LIM2: variants seen among roughly 807,000 people sequenced by gnomAD.
The protein encoded by LIM2 is lens fiber membrane intrinsic protein.
A neutral mutation model predicts 19.0 loss-of-function variants in LIM2; 14 were observed. The observed-to-expected ratio is 0.74, with a 90% CI of 0.49 to 1.15. The LOEUF (loss-of-function observed/expected upper bound fraction) is 1.15. Among genes scored for constraint, LIM2 ranks in the 50% most tolerant of loss-of-function variants. LIM2 has a pLI of 0.00. For missense variants in LIM2, 230 were observed against 243.5 expected (o/e 0.94, Z 0.37); for synonymous variants, 78 against 89.6 (o/e 0.87, Z 0.73).
Position 51,387,125 on chromosome 19 carries a change from C to G in LIM2, c.175+144G>C, listed in dbSNP as rs1417344210. Reference sequence around the variant, plus strand: ...ACAACCCTGTAGTCCCAGTTCTGCCCCCTCCATGCTGAGTGACCTTGGGTT... The same window carrying G: ...ACAACCCTGTAGTCCCAGTTCTGCCGCCTCCATGCTGAGTGACCTTGGGTT... On this transcript the variant is annotated intron_variant, in intron 2 of 4. Transcript: ENST00000596399. 5 of 1,482,610 alleles carry G rather than the reference C, an allele frequency of 3.4e-6. No individual in the cohort carries two copies. The African/African-American group carries it at 4.1e-5, about 12-fold the overall frequency. 91.8% of individuals were successfully genotyped at this position (1,482,610 alleles called of 1,614,324 possible).
rs1379954714 is a variant in LIM2, at chr19:51,387,362, A to G, written c.82T>C (p.Trp28Arg). 4 of 1,614,212 alleles carry G rather than the reference A, an allele frequency of 2.5e-6. No homozygotes were observed. The highest frequency in any genetic ancestry group is 1.1e-5 in the South Asian group (1 of 91,086). The part of the protein sequence containing the change: ...LLVVAMATDH[W>R]MQYRLSGSFA... ...GACCCTGACAGCCGGTACTGCATCC[A>G]GTGGTCTGTTGCCATGGCCACCACC... Residue 28 changes from tryptophan to arginine, a missense_variant, in exon 2 of 5, where the codon TGG (tryptophan) becomes CGG (arginine). Coordinates refer to ENST00000596399, the MANE Select transcript of LIM2 (RefSeq NM_001161748.2).
intron 3 of LIM2, among the ~76,000 whole-genome samples, chr19:51,381,145 T>C (rs933196612): frequency 1.3e-5 from 2 of 151,936 alleles, no homozygotes; most frequent in Non-Finnish European, 2.9e-5. Flanking sequence ...ACCCCGTCTC[T>C]ACTAAAAATA....
chr19:51,380,077 C>A lies in LIM2; in HGVS notation c.*124G>T. The A allele has an allele frequency of 2.2e-6, 2 of 911,380 alleles. No individual in the cohort carries two copies. The highest frequency in any genetic ancestry group is 3.5e-6 in the Non-Finnish European group (2 of 566,708). 56.5% of individuals were successfully genotyped at this position (911,380 alleles called of 1,614,324 possible). On this transcript the variant is annotated 3_prime_UTR_variant, in exon 5 of 5. Transcript: ENST00000596399. ...CAGGAGTCAGCCTCCCCCCACAAAC[C>A]CACAGTCCAGAACTGAGCCCCCTCA...
At chr19:51,384,330 C>A (rs1986974386) in intron 2 of LIM2, among the ~76,000 whole-genome samples, 1 of 152,170 alleles carries the variant, frequency 6.6e-6, no homozygotes, top group Admixed American at 6.5e-5. Context: ...ACTCAGGAGG[C>A]TGAGGCAGGA....
chr19:51,382,020 A>G (rs4802792), intron 3 of LIM2, among the ~76,000 whole-genome samples: 152,144 of 152,340 alleles, frequency 1, 75,975 homozygotes, highest in Middle Eastern at 1. Context: ...GAGCCATCGC[A>G]CCCGGCCTCC....
At position 51,380,168 on chromosome 19, in the gene LIM2, A is replaced by G. The variant is rs1986854375; in HGVS notation, c.*33T>C. On this transcript the variant is annotated 3_prime_UTR_variant, in exon 5 of 5. Transcript: ENST00000596399. The stretch of plus-strand genomic sequence containing the variant: ...CCTCCTCTTCAGTGGCCTCACTTTA[A>G]CTTCCAGATGAAGTTGGGGGACACA... 1 of 1,608,612 alleles carries G rather than the reference A, an allele frequency of 6.2e-7. No homozygotes were observed. Among genetic ancestry groups the G allele is most frequent in the African/African-American group, 1.3e-5 (1 of 74,772 alleles).
chr19:51,387,076 A>T (rs1987077537), intron 2 of LIM2, 193 bp downstream of exon 2: 2 of 1,009,980 alleles, frequency 2.0e-6, no homozygotes, highest in African/African-American at 1.6e-5. Context: ...TCAAACCAGC[A>T]CCCCGTGAAA....
Position 51,387,457 on chromosome 19 carries a change from G to A in LIM2, c.-6-8C>T, listed in dbSNP as rs1599864987. 3 of 1,613,288 alleles carry A rather than the reference G, an allele frequency of 1.9e-6. No individual in the cohort carries two copies. Among genetic ancestry groups the A allele is most frequent in the Non-Finnish European group, 2.5e-6 (3 of 1,179,964 alleles). On this transcript the variant is annotated splice_region_variant and splice_polypyrimidine_tract_variant and intron_variant, in intron 1 of 4. Transcript: ENST00000596399. The stretch of plus-strand genomic sequence containing the variant: ...GAAGCTGTACATGGTGATCTGTGGG[G>A]AAGGGGAGAGATGGGATTGGGAGCT...
chr19:51,385,813 C>T (rs887618947), intron 2 of LIM2, among the ~76,000 whole-genome samples: 9 of 152,216 alleles, frequency 5.9e-5, no homozygotes, highest in African/African-American at 2.2e-4. Context: ...AGGCATCGTC[C>T]TGCCTCTCTC....
intron 2 of LIM2, among the ~76,000 whole-genome samples, chr19:51,384,640 G>A (rs777525832): frequency 2.6e-5 from 4 of 152,152 alleles, no homozygotes; most frequent in African/African-American, 9.7e-5. Context: ...ACAGCCCTCA[G>A]AAGGAACTGA....
rs1313958676 is a variant in LIM2, at chr19:51,380,555, G to A, written c.410C>T (p.Ser137Phe). 1 of 1,614,208 alleles carries A rather than the reference G, an allele frequency of 6.2e-7. No individual in the cohort carries two copies. The highest frequency in any genetic ancestry group is 8.5e-7 in the Non-Finnish European group (1 of 1,180,046). The change falls in exon 4 of 5, where the codon TCC (serine) becomes TTC (phenylalanine). Residue 137 changes from serine to phenylalanine, a missense_variant. Coordinates refer to ENST00000596399, the MANE Select transcript of LIM2 (RefSeq NM_001161748.2). ...CACCCAGCCCAGGATGTAGGACCAG[G>A]AAAAGCGCCAGTCCCCAAAGCGGCG... ...LGRRFGDWRF[S>F]WSYILGWVAV...
chr19:51,387,826 AG>A (rs902330255), intron 1 of LIM2, 92 bp downstream of exon 1: 4 of 276,874 alleles, frequency 1.4e-5, no homozygotes, highest in African/African-American at 8.8e-5. Flanking sequence ...GCTAGGGGGT[AG>A]GACACCAGGT....
chr19:51,384,367 G>T (rs899329539), intron 2 of LIM2, among the ~76,000 whole-genome samples: 1 of 152,162 alleles, frequency 6.6e-6, no homozygotes, highest in African/African-American at 2.4e-5. Context: ...GGAGGTGGAG[G>T]TTGCAGTGAG....
In LIM2 at chr19:51,387,192, A is replaced by G. The variant is rs145192236; in HGVS notation, c.175+77T>C. 9.4e-4 allele frequency: 1,514 copies of G among 1,614,042 alleles called. 3 individuals are homozygous for G. Among genetic ancestry groups the G allele is most frequent in the Non-Finnish European group, 1.2e-3 (1,367 of 1,179,996 alleles). The stretch of plus-strand genomic sequence containing the variant: ...TGAGCCGCAGAGTTCTCCATCTGGA[A>G]TACAGGTGTCCTTGGGCCCCGAGGT... On this transcript the variant is annotated intron_variant, in intron 2 of 4. Coordinates refer to ENST00000596399, the MANE Select transcript of LIM2 (RefSeq NM_001161748.2).
At chr19:51,385,960 C>G (rs1389281314) in intron 2 of LIM2, among the ~76,000 whole-genome samples, 1 of 152,146 alleles carries the variant, frequency 6.6e-6, no homozygotes, top group Non-Finnish European at 1.5e-5. Context: ...ATGTCTCACT[C>G]TTACATACAA....
intron 3 of LIM2, among the ~76,000 whole-genome samples, chr19:51,381,828 C>T (rs1482401621): frequency 6.6e-6 from 1 of 152,166 alleles, no homozygotes; most frequent in Non-Finnish European, 1.5e-5. Flanking sequence ...TGAGTTCATG[C>T]CATTCTCCTG....
chr19:51,387,257 CG>C lies in LIM2; in HGVS notation c.175+11del, dbSNP rs776721409. On this transcript the variant is annotated intron_variant, in intron 2 of 4. Transcript: ENST00000596399. ...CCCCAGGCGCGGCCTGGACCCTGGC[CG>C]GGGGGCTCACCGATGCTGTCTGTCT... 11 of 1,614,018 alleles carry C rather than the reference CG, an allele frequency of 6.8e-6. No homozygotes were observed. In the African/African-American group the frequency reaches 8.0e-5, roughly 12 times the overall value.
Position 51,380,208 on chromosome 19 carries a change from G to T in LIM2, c.515C>A (p.Pro172His). ...RVHECRRLST[P>H]R ...TGGGGGACACATTTGGGCTCAGCGG[G>T]GTGTAGACAGGCGCCGGCATTCATG... is the stretch of plus-strand genomic sequence containing the variant. Residue 172 changes from proline to histidine, a missense_variant, in exon 5 of 5, where the codon CCC becomes CAC. Transcript: ENST00000596399. The T allele has an allele frequency of 6.2e-7, 1 of 1,613,646 alleles. No homozygotes were observed. Among genetic ancestry groups the T allele is most frequent in the Non-Finnish European group, 8.5e-7 (1 of 1,179,834 alleles).
intron 2 of LIM2, 102 bp downstream of exon 2, chr19:51,387,167 T>C (rs757897214): frequency 6.2e-7 from 1 of 1,610,824 alleles, no homozygotes; most frequent in South Asian, 1.1e-5. Context: ...TTTCCCTCTT[T>C]GAGCCGCAGA....
Sources: allele counts gnomAD v4.1 joint callset (sites outside exome capture counted in the v4.1 genomes callset), GRCh38; gene constraint gnomAD v4.1.1; transcripts MANE v1.5; gene names NCBI Gene and HGNC (gene_info 2026-07-23, HGNC 2026-07-21).